Variants in FOCAD observed in about 807,000 individuals in gnomAD.
FOCAD encodes the protein KIAA1797.
FOCAD carries 198 observed loss-of-function variants against 225.6 expected under a neutral mutation model. The ratio of observed to expected loss-of-function variants is 0.88; its 90% CI spans 0.78 to 0.99. FOCAD has a LOEUF of 0.99. Ranked by LOEUF, FOCAD falls within the 50% of genes least tolerant of loss-of-function variation. The probability of loss-of-function intolerance (pLI) is 0.00; values close to 1 mark genes in which losing one functional copy is unlikely to be tolerated. For missense variants in FOCAD, 2,713 were observed against 2,123.6 expected, an observed-to-expected ratio of 1.28 and a Z score of -5.46; for synonymous variants, 897 against 755.0, an observed-to-expected ratio of 1.19 and a Z score of -3.08.
At chr9:20,919,925 C>T (rs1423479054) in intron 24 of FOCAD, among the ~76,000 whole-genome samples, 2 of 151,736 alleles carry the variant, frequency 1.3e-5, no homozygotes, top group African/African-American at 4.8e-5. Flanking sequence ...GTCTAAAACA[C>T]CAAAAGCAAT....
intron 11 of FOCAD, among the ~76,000 whole-genome samples, chr9:20,797,009 G>C (rs946909549): frequency 6.6e-6 from 1 of 152,260 alleles, no homozygotes; most frequent in African/African-American, 2.4e-5. Context: ...ATAAGGAAGG[G>C]ATCCAGTTTC....
chr9:20,785,417 C>T (rs1249488868), intron 10 of FOCAD, among the ~76,000 whole-genome samples: 2 of 152,024 alleles, frequency 1.3e-5, no homozygotes, highest in East Asian at 1.9e-4. Context: ...TTTTCCTCAC[C>T]CCTCAGGCTA....
intron 35 of FOCAD, among the ~76,000 whole-genome samples, chr9:20,972,990 C>G (rs1426469260): frequency 2.0e-5 from 3 of 149,458 alleles, no homozygotes; most frequent in Non-Finnish European, 4.5e-5. Flanking sequence ...CTGACTTTGC[C>G]CTGTTCTGGT....
At chr9:20,768,282 T>C (rs980350541) in intron 7 of FOCAD, among the ~76,000 whole-genome samples, 1 of 151,254 alleles carries the variant, frequency 6.6e-6, no homozygotes, top group African/African-American at 2.4e-5. Context: ...TTTGTTCTTT[T>C]GGCTTAGGAT....
intron 28 of FOCAD, among the ~76,000 whole-genome samples, chr9:20,943,402 AG>A (rs1394815973): frequency 7.2e-5 from 11 of 152,106 alleles, no homozygotes; most frequent in Non-Finnish European, 1.3e-4. Flanking sequence ...GGCACCATGA[AG>A]GGCACTGAGA....
At chr9:20,856,897 C>A (rs913128976) in intron 15 of FOCAD, among the ~76,000 whole-genome samples, 1 of 151,860 alleles carries the variant, frequency 6.6e-6, no homozygotes, top group East Asian at 1.9e-4. Context: ...GAGTTCACTG[C>A]AGATATGTGG....
At chr9:20,929,705 G>A in intron 27 of FOCAD, 109 bp downstream of exon 27, 1 of 863,110 alleles carries the variant, frequency 1.2e-6, no homozygotes. Flanking sequence ...ATATGTGTTT[G>A]CTAAACTTTC....
At chr9:20,987,280 G>T (rs1421403162) in intron 40 of FOCAD, among the ~76,000 whole-genome samples, 1 of 152,174 alleles carries the variant, frequency 6.6e-6, no homozygotes, top group African/African-American at 2.4e-5. Flanking sequence ...AGGCAAGGCA[G>T]GTGGATCACC....
chr9:20,963,446 C>G (rs192957874), intron 35 of FOCAD, among the ~76,000 whole-genome samples: 2 of 152,250 alleles, frequency 1.3e-5, no homozygotes, highest in Admixed American at 6.5e-5. Flanking sequence ...GCCTGTTTCC[C>G]TAGATCCTCT....
rs562566190 is a variant in FOCAD at position 20,668,019 on chromosome 9, A to C, written c.-78+9193A>C. Among the ~76,000 whole-genome samples the C allele has an allele frequency of 3.4e-4, 52 of 152,374 alleles. 1 individual carries two copies. In the South Asian group the frequency reaches 4.4e-3, roughly 13 times the overall value. The stretch of plus-strand genomic sequence containing the variant: ...GTATTCTTTTACATTTGCTGAAAGA[A>C]GATCTATTATCTCTAATAATTTCTG... On this transcript the variant is annotated intron_variant, in intron 2 of 45. Transcript: ENST00000380249.
In FOCAD at chr9:20,944,747, C is replaced by A. The variant is rs755212646; in HGVS notation, c.3528C>A (p.Ser1176Arg). ...AGCTGTCTGCGCACGTAGATGACAGCGGGAGCCAGAGCAGAACGTTTCAGG... is the reference window on the plus strand; with the variant it reads ...AGCTGTCTGCGCACGTAGATGACAGAGGGAGCCAGAGCAGAACGTTTCAGG... ...LRKLSAHVDD[S>R]GSQSRTFQEV... The change falls in exon 29 of 44, where the codon AGC becomes AGA. Residue 1176 changes from serine (S) to arginine (R), a missense_variant. Coordinates refer to ENST00000338382, the MANE Select transcript of FOCAD (RefSeq NM_001375567.1). 1 of 1,613,482 alleles carries A rather than the reference C, an allele frequency of 6.2e-7. No homozygotes were observed.
At chr9:20,662,557 C>G (rs1258625949) in intron 2 of FOCAD, among the ~76,000 whole-genome samples, 2 of 152,130 alleles carry the variant, frequency 1.3e-5, no homozygotes, top group Non-Finnish European at 2.9e-5. Context: ...TTTTTTCCTG[C>G]TCAATTCTGC....
intron 19 of FOCAD, among the ~76,000 whole-genome samples, chr9:20,881,393 T>A (rs1265616592): frequency 6.6e-6 from 1 of 152,194 alleles, no homozygotes; most frequent in Admixed American, 6.5e-5. Context: ...AAGTTGTGAT[T>A]TTATTTTATG....
At chr9:20,842,513 CTT>C (rs1347818750) in intron 15 of FOCAD, among the ~76,000 whole-genome samples, 2 of 151,852 alleles carry the variant, frequency 1.3e-5, no homozygotes, top group African/African-American at 4.8e-5. Context: ...TTTTTACAGA[CTT>C]TGTCTTGAAA....
chr9:20,918,173 A>G (rs888546037), intron 24 of FOCAD, among the ~76,000 whole-genome samples: 5 of 152,218 alleles, frequency 3.3e-5, no homozygotes, highest in African/African-American at 9.6e-5. Flanking sequence ...TATGTAGTCT[A>G]CATATATCCT....
At chr9:20,979,261 T>C (rs1233655547) in intron 37 of FOCAD, among the ~76,000 whole-genome samples, 1 of 152,214 alleles carries the variant, frequency 6.6e-6, no homozygotes, top group African/African-American at 2.4e-5. Context: ...GAGGCTTTAA[T>C]TGTTTGAGAA....
intron 21 of FOCAD, among the ~76,000 whole-genome samples, chr9:20,886,858 AAATAATTGCAAT>A (rs1254665067): frequency 2.0e-5 from 3 of 152,346 alleles, no homozygotes; most frequent in Admixed American, 2.0e-4. Flanking sequence ...TGGTTAATAA[AAATAATTGCAAT>A]AATAACAGCT....
chr9:20,755,719 C>T (rs1306639712), intron 5 of FOCAD, among the ~76,000 whole-genome samples: 3 of 152,110 alleles, frequency 2.0e-5, no homozygotes, highest in Non-Finnish European at 4.4e-5. Context: ...CTCTTTATAG[C>T]GATATGGTTC....
At chr9:20,989,477 C>G (rs1426172574) in intron 41 of FOCAD, among the ~76,000 whole-genome samples, 2 of 152,110 alleles carry the variant, frequency 1.3e-5, no homozygotes, top group African/African-American at 4.8e-5. Context: ...CTATGATTGT[C>G]TAGATTAGTC....
Sources: gnomAD v4.1 joint callset for allele counts (sites outside exome capture counted in the v4.1 genomes callset) on GRCh38, gnomAD v4.1.1 for gene constraint, MANE v1.5 for transcripts, NCBI Gene and HGNC (gene_info 2026-07-23, HGNC 2026-07-21) for gene names.